The following DIP2C variants were observed in gnomAD, a reference collection of about 807,000 sequenced individuals.
DIP2C encodes the protein disco-interacting protein 2 homolog C.
Under a neutral mutation model 192.4 loss-of-function variants are expected in DIP2C, and 33 were observed. That is an observed-to-expected ratio of 0.17 (90% CI 0.13 to 0.23). The LOEUF is 0.23. Ranked by LOEUF, DIP2C falls within the 10% of genes least tolerant of loss-of-function variation. DIP2C has a pLI of 1.00. For missense variants in DIP2C, 1,537 were observed against 2,110.1 expected, an observed-to-expected ratio of 0.73 and a Z score of 5.32; for synonymous variants, 979 against 864.1, an observed-to-expected ratio of 1.13 and a Z score of -2.33.
chr10:605,510 C>G (rs1319599108), intron 1 of DIP2C, among the ~76,000 whole-genome samples: 3 of 152,194 alleles, frequency 2.0e-5, no homozygotes, highest in Non-Finnish European at 2.9e-5. Flanking sequence ...GTTACTCACA[C>G]AAGACTGTGC....
In DIP2C at chr10:473,477, G is replaced by A. The variant is rs146104290; in HGVS notation, c.158-928C>T. ...ATGTCATCCCCACAGTTCTGTGAAC[G>A]GCTCTGATATCACAGAAAGGACGTC... On this transcript the variant is annotated intron_variant, in intron 2 of 36. Transcript: ENST00000280886. Among the ~76,000 whole-genome samples the A allele has an allele frequency of 1.4e-3, 213 of 149,468 alleles. 2 individuals are homozygous for A. Among genetic ancestry groups the A allele is most frequent in the African/African-American group, 5.1e-3 (207 of 40,326 alleles).
At chr10:407,417 ACT>A (rs1402288024) in intron 9 of DIP2C, among the ~76,000 whole-genome samples, 3 of 151,704 alleles carry the variant, frequency 2.0e-5, no homozygotes, top group South Asian at 4.2e-4. Context: ...TCTCTCCTAG[ACT>A]CTGTTTTCAA....
intron 1 of DIP2C, among the ~76,000 whole-genome samples, chr10:647,957 G>A (rs1245406227): frequency 6.6e-6 from 1 of 151,760 alleles, no homozygotes; most frequent in Non-Finnish European, 1.5e-5. Context: ...AGAGAACAGA[G>A]GGAAACTGAG....
chr10:335,364 TTCC>T (rs1432386045), intron 29 of DIP2C, among the ~76,000 whole-genome samples: 2 of 152,224 alleles, frequency 1.3e-5, no homozygotes, highest in Non-Finnish European at 2.9e-5. Flanking sequence ...CAAGTCTATT[TTCC>T]TCCATAAACA....
At chr10:424,319 C>T (rs962526401) in intron 4 of DIP2C, among the ~76,000 whole-genome samples, 1 of 139,746 alleles carries the variant, frequency 7.2e-6, no homozygotes, top group Non-Finnish European at 1.5e-5. Flanking sequence ...AGAAAAGCAA[C>T]AATGTTAAGA....
At chr10:277,734 C>T (rs1235922437) in intron 36 of DIP2C, among the ~76,000 whole-genome samples, 157 bp from the exon 37 acceptor site, 6 of 152,186 alleles carry the variant, frequency 3.9e-5, no homozygotes, top group Non-Finnish European at 8.8e-5. Context: ...GCCCACTAAT[C>T]GTTCCCCATA....
intron 32 of DIP2C, among the ~76,000 whole-genome samples, chr10:296,498 G>A (rs1955760508): frequency 6.6e-6 from 1 of 152,064 alleles, no homozygotes; most frequent in Admixed American, 6.6e-5. Flanking sequence ...CAAGGATCTA[G>A]AACTAGAAAT....
At chr10:654,427 A>G (rs1856150347) in intron 1 of DIP2C, among the ~76,000 whole-genome samples, 1 of 152,204 alleles carries the variant, frequency 6.6e-6, no homozygotes, top group African/African-American at 2.4e-5. Flanking sequence ...AGCCTTTGAA[A>G]AGGCCCGGAC....
rs146235358 is a variant in DIP2C at position 440,884 on chromosome 10, G to A, written c.381C>T (p.Ala127=). The change falls in exon 4 of 37, where the codon GCC becomes GCT. Residue 127 remains alanine, a synonymous_variant. Transcript: ENST00000280886. ...CGTGTCCCTTACCTGGAGGGGTGTAGGCGTCCATCGAGGTCTGCACGACCA... is the reference window on the plus strand; with the variant it reads ...CGTGTCCCTTACCTGGAGGGGTGTAAGCGTCCATCGAGGTCTGCACGACCA... ...RSLVVQTSMD[A]YTPPDTSSGS... The A allele has an allele frequency of 7.0e-4, 1,133 of 1,612,788 alleles. 9 individuals carry two copies. The highest frequency in any genetic ancestry group is 1.3e-4 in the Non-Finnish European group (158 of 1,179,884).
At chr10:576,919 TA>T (rs983081552) in intron 1 of DIP2C, among the ~76,000 whole-genome samples, 4,476 of 144,664 alleles carry the variant, frequency 0.031, 189 homozygotes, top group African/African-American at 0.099. Context: ...TTCTGTCTAA[TA>T]AAAAAAAAAA....
At chr10:460,916 A>C (rs1479784810) in intron 3 of DIP2C, among the ~76,000 whole-genome samples, 1 of 152,184 alleles carries the variant, frequency 6.6e-6, no homozygotes, top group Non-Finnish European at 1.5e-5. Context: ...TTCTTAAAGA[A>C]TTTTCAACCC....
At chr10:473,158 C>T (rs745509018) in intron 2 of DIP2C, among the ~76,000 whole-genome samples, 2 of 152,090 alleles carry the variant, frequency 1.3e-5, no homozygotes, top group Non-Finnish European at 2.9e-5. Context: ...AACATTAATG[C>T]GGTCAGATAA....
intron 1 of DIP2C, among the ~76,000 whole-genome samples, chr10:568,764 T>TC (rs1849592413): frequency 7.5e-5 from 1 of 13,356 alleles, no homozygotes; most frequent in African/African-American, 1.7e-4. Flanking sequence ...AAACTCCGTC[T>TC]CAAAAAAAAA....
At chr10:525,390 T>C (rs1168046683) in intron 1 of DIP2C, among the ~76,000 whole-genome samples, 1 of 152,178 alleles carries the variant, frequency 6.6e-6, no homozygotes, top group Non-Finnish European at 1.5e-5. Flanking sequence ...ACTCAGCGTA[T>C]CTCAGAATGA....
At chr10:500,792 G>C (rs796591369) in intron 1 of DIP2C, among the ~76,000 whole-genome samples, 1 of 152,166 alleles carries the variant, frequency 6.6e-6, no homozygotes, top group Admixed American at 6.5e-5. Context: ...AAACAAGACA[G>C]GCCAGGTCCC....
chr10:679,515 A>G (rs748671225), intron 1 of DIP2C, among the ~76,000 whole-genome samples: 332 of 1,430 alleles, frequency 0.23, 109 homozygotes, highest in Non-Finnish European at 0.35. Flanking sequence ...CGTGCTCCCC[A>G]CGCCCATGCT....
At chr10:303,521 CTTTT>C (rs201941178) in intron 32 of DIP2C, among the ~76,000 whole-genome samples, 10 of 148,004 alleles carry the variant, frequency 6.8e-5, no homozygotes, top group East Asian at 2.0e-4. Context: ...AAGTTTTTTA[CTTTT>C]TTTTTTTCTT....
intron 1 of DIP2C, among the ~76,000 whole-genome samples, chr10:611,761 T>TC (rs2131780177): frequency 6.6e-6 from 1 of 152,306 alleles, no homozygotes; most frequent in East Asian, 1.9e-4. Flanking sequence ...GCTCTTGTTC[T>TC]CCCAGATCTG....
At chr10:630,056 A>T (rs534289248) in intron 1 of DIP2C, 1 of 152,354 alleles carries the variant, frequency 6.6e-6, no homozygotes, top group African/African-American at 2.4e-5. Flanking sequence ...CCGTGAAAGA[A>T]TAAAGTCGGA....
Sources: gnomAD v4.1 joint callset for allele counts (sites outside exome capture counted in the v4.1 genomes callset) on GRCh38, gnomAD v4.1.1 for gene constraint, MANE v1.5 for transcripts, NCBI Gene and HGNC (gene_info 2026-07-23, HGNC 2026-07-21) for gene names.